Variants in FRMD4A observed in about 807,000 individuals in gnomAD.
FRMD4A encodes the protein FERM domain containing 4A.
Under a neutral mutation model 129.1 loss-of-function variants are expected in FRMD4A, and 29 were observed. The observed-to-expected ratio is 0.22, with a 90% CI of 0.17 to 0.31. FRMD4A has a LOEUF of 0.31. FRMD4A is among the 10% of genes least tolerant of loss of function. The probability of loss-of-function intolerance (pLI) is 1.00; values close to 1 mark genes in which losing one functional copy is unlikely to be tolerated. For missense variants in FRMD4A, 1,272 were observed against 1,375.8 expected (o/e 0.92, Z 1.19); for synonymous variants, 634 against 571.6 (o/e 1.11, Z -1.56).
chr10:13,692,075 C>T (rs1368931470), intron 15 of FRMD4A: 1 of 151,116 alleles, frequency 6.6e-6, no homozygotes, highest in African/African-American at 2.4e-5. Flanking sequence ...TGACAATGGA[C>T]CCCAGGTGAT....
chr10:13,780,342 G>T (rs941233952), intron 6 of FRMD4A, among the ~76,000 whole-genome samples: 1 of 143,382 alleles, frequency 7.0e-6, no homozygotes. Flanking sequence ...AAAAAAAAAT[G>T]TTCTTTTAGT....
chr10:13,967,042 A>G (rs1159901619), intron 2 of FRMD4A, among the ~76,000 whole-genome samples: 3 of 152,246 alleles, frequency 2.0e-5, no homozygotes, highest in Admixed American at 2.0e-4. Flanking sequence ...CACAGGCGTA[A>G]GAATGACACA....
chr10:14,308,911 C>T (rs1215609735), intron 2 of FRMD4A, among the ~76,000 whole-genome samples: 4 of 152,174 alleles, frequency 2.6e-5, no homozygotes, highest in Non-Finnish European at 4.4e-5. Flanking sequence ...GCTGCTAATA[C>T]GGGGAACGAC....
At chr10:14,197,020 T>G (rs1842490087) in intron 2 of FRMD4A, among the ~76,000 whole-genome samples, 1 of 152,194 alleles carries the variant, frequency 6.6e-6, no homozygotes, top group South Asian at 2.1e-4. Flanking sequence ...AGAATTGCTA[T>G]CACTGTTCTC....
At chr10:13,793,479 T>TATCCTC in intron 5 of FRMD4A, among the ~76,000 whole-genome samples, 1 of 152,280 alleles carries the variant, frequency 6.6e-6, no homozygotes. Context: ...GGCCCTCTTT[T>TATCCTC]ATCAGGTGGC....
At chr10:14,137,202 A>G (rs1839584241) in intron 2 of FRMD4A, among the ~76,000 whole-genome samples, 1 of 152,312 alleles carries the variant, frequency 6.6e-6, no homozygotes, top group African/African-American at 2.4e-5. Flanking sequence ...AAAGGGATGC[A>G]TATAATTTAG....
intron 2 of FRMD4A, among the ~76,000 whole-genome samples, chr10:14,039,377 TCCATCCATCCATCCATCCATCC>T (rs1833659819): frequency 3.2e-5 from 4 of 125,614 alleles, no homozygotes; most frequent in South Asian, 4.5e-4. Flanking sequence ...CGTCCATCCA[TCCATCCATCCATCCATCCATCC>T]ATCCATCCAT....
intron 2 of FRMD4A, among the ~76,000 whole-genome samples, chr10:14,303,149 C>T (rs1474147584): frequency 6.6e-6 from 1 of 152,180 alleles, no homozygotes; most frequent in African/African-American, 2.4e-5. Flanking sequence ...CAAGGCAACC[C>T]AATCAGAACT....
intron 14 of FRMD4A, among the ~76,000 whole-genome samples, chr10:13,700,494 G>C (rs1246390127): frequency 6.6e-6 from 1 of 152,172 alleles, no homozygotes; most frequent in Admixed American, 6.5e-5. Flanking sequence ...AGGGGCCCAG[G>C]GTGACCTCAG....
intron 2 of FRMD4A, among the ~76,000 whole-genome samples, chr10:14,159,657 A>C (rs7909163): frequency 0.31 from 47,857 of 152,064 alleles, 8,671 homozygotes; most frequent in East Asian, 0.54. Context: ...ATCACAAAAG[A>C]ACCTGAATAG....
At chr10:13,654,668 A>G (rs922287765) in intron 22 of FRMD4A, 156 bp from the exon 23 acceptor site, 3 of 607,726 alleles carry the variant, frequency 4.9e-6, no homozygotes, top group South Asian at 2.0e-5. Context: ...CAGCATCCCT[A>G]TGGCATGGTC....
chr10:13,829,398 G>A (rs12241682), intron 3 of FRMD4A, among the ~76,000 whole-genome samples: 17,574 of 152,022 alleles, frequency 0.12, 1,186 homozygotes, highest in South Asian at 0.26. Flanking sequence ...GGTGCCGTGT[G>A]CCTGTGGTCC....
At chr10:13,724,165 G>A (rs1306728282) in intron 12 of FRMD4A, among the ~76,000 whole-genome samples, 2 of 152,278 alleles carry the variant, frequency 1.3e-5, no homozygotes, top group African/African-American at 2.4e-5. Flanking sequence ...GAGGCAGGCG[G>A]ATCACGAGGT....
At chr10:13,931,799 A>G (rs2095198449) in intron 2 of FRMD4A, among the ~76,000 whole-genome samples, 1 of 147,864 alleles carries the variant, frequency 6.8e-6, no homozygotes, top group Non-Finnish European at 1.5e-5. Flanking sequence ...AAAAATAGAA[A>G]ATAGCTGGGT....
chr10:13,664,850 T>A (rs1021871429), intron 18 of FRMD4A, among the ~76,000 whole-genome samples: 1 of 151,942 alleles, frequency 6.6e-6, no homozygotes, highest in Non-Finnish European at 1.5e-5. Flanking sequence ...GCTGGGACTA[T>A]AGGTGCATGC....
chr10:14,221,144 G>A (rs1318474907), intron 2 of FRMD4A, among the ~76,000 whole-genome samples: 3 of 152,166 alleles, frequency 2.0e-5, no homozygotes, highest in Non-Finnish European at 2.9e-5. Context: ...TGCAAACTCA[G>A]GTTCCTCCTT....
intron 2 of FRMD4A, among the ~76,000 whole-genome samples, chr10:14,143,340 A>G (rs2131844755): frequency 6.6e-6 from 1 of 152,374 alleles, no homozygotes; most frequent in South Asian, 2.1e-4. Flanking sequence ...CACATGGGTG[A>G]AACTTGGGGA....
intron 2 of FRMD4A, among the ~76,000 whole-genome samples, chr10:14,249,361 A>AG (rs1427901285): frequency 6.6e-6 from 1 of 151,896 alleles, no homozygotes; most frequent in Non-Finnish European, 1.5e-5. Flanking sequence ...TAAAAAAAAA[A>AG]AAAGAAAGAA....
intron 2 of FRMD4A, among the ~76,000 whole-genome samples, chr10:14,152,224 T>TTCA (rs895319594): frequency 2.8e-5 from 4 of 141,498 alleles, no homozygotes; most frequent in African/African-American, 1.0e-4. Flanking sequence ...ACCTCCTGGG[T>TTCA]TCATGCCATT....
Sources: allele counts gnomAD v4.1 joint callset (sites outside exome capture counted in the v4.1 genomes callset), GRCh38; gene constraint gnomAD v4.1.1; transcripts MANE v1.5; gene names NCBI Gene and HGNC (gene_info 2026-07-23, HGNC 2026-07-21).